The following GAS2L3 variants were observed in gnomAD, a reference collection of about 807,000 sequenced individuals.
The protein encoded by GAS2L3 is GAS2-like protein 3.
GAS2L3 carries 28 observed loss-of-function variants against 37.0 expected under a neutral mutation model. The ratio of observed to expected loss-of-function variants is 0.76; its 90% CI spans 0.56 to 1.04. The LOEUF (loss-of-function observed/expected upper bound fraction) is 1.04. Ranked by LOEUF, GAS2L3 falls within the 50% of genes least tolerant of loss-of-function variation. The pLI is 0.00. For synonymous variants in GAS2L3, 290 were observed against 296.6 expected, an observed-to-expected ratio of 0.98 and a Z score of 0.23; for missense variants, 793 against 817.6, an observed-to-expected ratio of 0.97 and a Z score of 0.37.
intron 1 of GAS2L3, among the ~76,000 whole-genome samples, chr12:100,582,842 G>A: frequency 6.6e-6 from 1 of 152,172 alleles, no homozygotes. Flanking sequence ...GCCTCCAAGG[G>A]AGAGTTCTTT....
chr12:100,577,087 G>A (rs1466414227), intron 1 of GAS2L3, among the ~76,000 whole-genome samples: 1 of 152,188 alleles, frequency 6.6e-6, no homozygotes, highest in East Asian at 1.9e-4. Context: ...CACACACAGA[G>A]AATTTAGAAA....
chr12:100,597,927 A>T (rs1955935207), intron 3 of GAS2L3, among the ~76,000 whole-genome samples: 1 of 152,116 alleles, frequency 6.6e-6, no homozygotes, highest in South Asian at 2.1e-4. Context: ...TTCACTTGGT[A>T]TTCCTTTTAC....
intron 5 of GAS2L3, 53 bp downstream of exon 5, chr12:100,601,806 T>G: frequency 1.1e-6 from 1 of 882,488 alleles, no homozygotes; most frequent in Non-Finnish European, 1.8e-6. Flanking sequence ...TATTAATTTA[T>G]GTACACTTCT....
At chr12:100,580,093 A>C in intron 1 of GAS2L3, 4 of 1,168,852 alleles carry the variant, frequency 3.4e-6, no homozygotes, top group Non-Finnish European at 3.9e-6. Context: ...GATTCTTATC[A>C]TTGATACTGG....
chr12:100,623,570 T>C lies in GAS2L3; in HGVS notation c.765T>C (p.His255=), dbSNP rs1225578323. 3 of 1,596,406 alleles carry C rather than the reference T, an allele frequency of 1.9e-6. No individual in the cohort carries two copies. The highest frequency in any genetic ancestry group is 1.8e-5 in the Admixed American group (1 of 55,924). Residue 255 remains histidine, a synonymous_variant, in exon 10 of 10, where the codon CAT becomes CAC. Transcript: ENST00000547754. ...TTTTCCTTTGGGGGCAGATGCTTCA[T>C]GGAAAACATGTCATGGTTCGCGTTG... is the stretch of plus-strand genomic sequence containing the variant. The part of the protein sequence containing the change: ...GDKILFIRML[H]GKHVMVRVGG...
intron 5 of GAS2L3, among the ~76,000 whole-genome samples, chr12:100,604,088 T>G (rs1174956944): frequency 6.6e-6 from 1 of 152,106 alleles, no homozygotes; most frequent in Admixed American, 6.6e-5. Flanking sequence ...ATTCTCGGTC[T>G]TTTGTGATTC....
At chr12:100,599,682 T>C (rs955245140) in intron 3 of GAS2L3, among the ~76,000 whole-genome samples, 1 of 152,162 alleles carries the variant, frequency 6.6e-6, no homozygotes, top group African/African-American at 2.4e-5. Context: ...ATTCAACAAA[T>C]GTTTATTGAG....
intron 1 of GAS2L3, among the ~76,000 whole-genome samples, chr12:100,590,866 G>A (rs543566152): frequency 6.6e-6 from 1 of 152,152 alleles, no homozygotes; most frequent in Admixed American, 6.5e-5. Context: ...TCACTGATAG[G>A]TGGGAACTAT....
intron 8 of GAS2L3, among the ~76,000 whole-genome samples, chr12:100,621,739 A>C (rs1956253688): frequency 6.6e-6 from 1 of 151,940 alleles, no homozygotes; most frequent in Non-Finnish European, 1.5e-5. Flanking sequence ...CTGATTTGAC[A>C]TGTATTATTA....
At chr12:100,622,182 G>T in intron 8 of GAS2L3, 93 bp from the exon 9 acceptor site, 1 of 591,420 alleles carries the variant, frequency 1.7e-6, no homozygotes, top group Non-Finnish European at 3.0e-6. Flanking sequence ...TTTTATCTTT[G>T]AGTTTGGTTT....
At chr12:100,622,095 A>C (rs1037224579) in intron 8 of GAS2L3, among the ~76,000 whole-genome samples, 180 bp from the exon 9 acceptor site, 1 of 152,118 alleles carries the variant, frequency 6.6e-6, no homozygotes, top group Non-Finnish European at 1.5e-5. Flanking sequence ...TGGCTTTTTT[A>C]TGTTAGATTA....
rs746709189 is a variant in GAS2L3 at position 100,623,854 on chromosome 12, C to A, written c.1049C>A (p.Pro350Gln). The A allele has an allele frequency of 1.2e-5, 19 of 1,613,830 alleles. No individual in the cohort carries two copies. The East Asian group carries it at 4.0e-4, about 34-fold the overall frequency. The change falls in exon 10 of 10, where the codon CCA becomes CAA. Residue 350 changes from proline to glutamine, a missense_variant. Transcript: ENST00000547754. ...PKSKEKQGRPPGALVPASSLK... is the reference protein window; with the variant it reads ...PKSKEKQGRPQGALVPASSLK... ...AGCAAAGAAAAACAGGGACGTCCAC[C>A]AGGTGCATTGGTGCCAGCATCTTCA...
At chr12:100,575,597 T>A (rs886294406) in intron 1 of GAS2L3, among the ~76,000 whole-genome samples, 2 of 147,668 alleles carry the variant, frequency 1.4e-5, no homozygotes, top group Non-Finnish European at 3.0e-5. Context: ...TTCTCCTGCC[T>A]CAGCCTCCCG....
At position 100,624,895 on chromosome 12, in the gene GAS2L3, A is replaced by G. The variant is rs1342634078; in HGVS notation, c.*5A>G. 3.9e-6 allele frequency: 6 copies of G among 1,524,112 alleles called. No individual in the cohort carries two copies. In the East Asian group the frequency reaches 9.0e-5, roughly 23 times the overall value. The allele number at this position is 1,524,112 out of a possible 1,614,324, so 94.4% of individuals were successfully genotyped here. On this transcript the variant is annotated 3_prime_UTR_variant, in exon 10 of 10. Coordinates refer to ENST00000547754, the MANE Select transcript of GAS2L3 (RefSeq NM_174942.3). ...AGTAAGAAACCTAGAAAATAAATAC[A>G]TACTCATTATAAAAAAAGAGAAAAG... is the stretch of plus-strand genomic sequence containing the variant.
chr12:100,589,675 T>C (rs984759207), intron 1 of GAS2L3, among the ~76,000 whole-genome samples: 3 of 152,118 alleles, frequency 2.0e-5, no homozygotes, highest in Non-Finnish European at 2.9e-5. Context: ...TTTCAAACTA[T>C]ATTATAAGGC....
intron 1 of GAS2L3, chr12:100,579,764 G>A (rs544105072): frequency 6.3e-5 from 45 of 719,806 alleles, no homozygotes; most frequent in South Asian, 1.3e-4. Flanking sequence ...AGGTGCTTCC[G>A]GAAAATCTTA....
intron 1 of GAS2L3, among the ~76,000 whole-genome samples, chr12:100,577,787 T>C (rs1032417586): frequency 1.3e-5 from 2 of 152,176 alleles, no homozygotes; most frequent in African/African-American, 4.8e-5. Flanking sequence ...TTTGGAGGAA[T>C]AGAATCTAGA....
intron 6 of GAS2L3, among the ~76,000 whole-genome samples, chr12:100,615,526 T>G (rs1217792242): frequency 6.6e-6 from 1 of 152,124 alleles, no homozygotes; most frequent in African/African-American, 2.4e-5. Flanking sequence ...CTATTTTTCT[T>G]TTGCTTGTCC....
chr12:100,610,578 C>A (rs751894419), intron 5 of GAS2L3, among the ~76,000 whole-genome samples: 1 of 150,164 alleles, frequency 6.7e-6, no homozygotes, highest in Non-Finnish European at 1.5e-5. Context: ...AAACTCCTAA[C>A]GTTATTTTAG....
Sources: gnomAD v4.1 joint callset for allele counts (sites outside exome capture counted in the v4.1 genomes callset) on GRCh38, gnomAD v4.1.1 for gene constraint, MANE v1.5 for transcripts, NCBI Gene and HGNC (gene_info 2026-07-23, HGNC 2026-07-21) for gene names.